The following IRAG1 variants were observed in gnomAD, a reference collection of about 807,000 sequenced individuals.
The protein encoded by IRAG1 is inositol 1,4,5-triphosphate receptor associated 1.
A neutral mutation model predicts 106.2 loss-of-function variants in IRAG1; 62 were observed. The observed-to-expected ratio is 0.58, with a 90% CI of 0.48 to 0.72. The LOEUF is 0.72. IRAG1 is among the 30% of genes least tolerant of loss of function. The probability of loss-of-function intolerance (pLI) is 0.00; values close to 1 mark genes in which losing one functional copy is unlikely to be tolerated. For synonymous variants in IRAG1, 462 were observed against 443.9 expected (o/e 1.04, Z -0.51); for missense variants, 1,064 against 1,140.7 (o/e 0.93, Z 0.97).
At position 10,603,094 on chromosome 11, in the gene IRAG1, C is replaced by T. The variant is rs771300554; in HGVS notation, c.1875+26G>A. ...CTTTACGTAGGTGGAACAGAGTTGG[C>T]AAGACCGGGGGCTGGAGAGACTCAC... On this transcript the variant is annotated intron_variant, in intron 14 of 20. Transcript: ENST00000423302. 2.5e-6 allele frequency: 4 copies of T among 1,600,196 alleles called. No individual in the cohort carries two copies. The South Asian group carries it at 3.4e-5, about 13-fold the overall frequency.
intron 1 of IRAG1, among the ~76,000 whole-genome samples, chr11:10,676,624 C>A (rs1486270724): frequency 6.6e-6 from 1 of 152,166 alleles, no homozygotes; most frequent in South Asian, 2.1e-4. Context: ...AGGCTGGGAA[C>A]TGCAGGTGCC....
At chr11:10,667,528 T>C (rs1233431436) in intron 1 of IRAG1, among the ~76,000 whole-genome samples, 1 of 152,134 alleles carries the variant, frequency 6.6e-6, no homozygotes, top group Non-Finnish European at 1.5e-5. Context: ...AATTCCCTAC[T>C]CATAAAAATC....
At chr11:10,609,679 CAG>C (rs777352872) in intron 11 of IRAG1, 47 bp downstream of exon 11, 7 of 1,575,492 alleles carry the variant, frequency 4.4e-6, no homozygotes, top group Admixed American at 3.6e-5. Flanking sequence ...GAATCCAACA[CAG>C]GGGCCACTCG....
At position 10,651,919 on chromosome 11, in the gene IRAG1, G is replaced by A. The variant is rs1858544191; in HGVS notation, c.225+106C>T. ...TCCAGGTACCCACTGCAACCTACAT[G>A]AGCTGTCAGCAAACCCTCTGGCCAG... On this transcript the variant is annotated intron_variant, in intron 2 of 20. Transcript: ENST00000423302. 5 of 1,330,044 alleles carry A rather than the reference G, an allele frequency of 3.8e-6. No homozygotes were observed. The South Asian group carries it at 4.5e-5, about 12-fold the overall frequency. The allele number at this position is 1,330,044 out of a possible 1,614,324, so 82.4% of individuals were successfully genotyped here.
chr11:10,677,893 G>A (rs558573075), intron 1 of IRAG1, among the ~76,000 whole-genome samples: 12 of 152,248 alleles, frequency 7.9e-5, no homozygotes, highest in Admixed American at 4.6e-4. Context: ...TGACATTTTC[G>A]GTCTAGCTTC....
intron 2 of IRAG1, among the ~76,000 whole-genome samples, chr11:10,634,875 C>G (rs1306942390): frequency 6.6e-6 from 1 of 151,794 alleles, no homozygotes; most frequent in Non-Finnish European, 1.5e-5. Flanking sequence ...CATACCTTGT[C>G]TATTGTGAAT....
chr11:10,658,471 A>C (rs1162809608), intron 1 of IRAG1: 2 of 153,016 alleles, frequency 1.3e-5, no homozygotes, highest in African/African-American at 4.8e-5. Flanking sequence ...CCATTCTCCA[A>C]ACAGGGCAGC....
Position 10,632,045 on chromosome 11 carries a change from T to G in IRAG1, c.346A>C (p.Lys116Gln), listed in dbSNP as rs1564918625. The change falls in exon 4 of 21, where the codon AAG becomes CAG. Residue 116 changes from lysine (K) to glutamine (Q), a missense_variant. Physicochemically the swap from Lys to Gln is moderately conservative, Grantham distance 53. Transcript: ENST00000423302. ...TTCAAGTGTCGGTGAGAAAGCCTCT[T>G]GTGGGGACTGTGAACTCTGAAAGAC... ...NLANRVHSPH[K>Q]RLSHRHLKVS... 1 of 1,613,680 alleles carries G rather than the reference T, an allele frequency of 6.2e-7. No individual in the cohort carries two copies. Among genetic ancestry groups the G allele is most frequent in the Non-Finnish European group, 8.5e-7 (1 of 1,179,744 alleles).
Position 10,693,710 on chromosome 11 carries a change from A to T in IRAG1, c.-108T>A. 1 of 1,331,720 alleles carries T rather than the reference A, an allele frequency of 7.5e-7. No individual in the cohort carries two copies. Among genetic ancestry groups the T allele is most frequent in the East Asian group, 2.5e-5 (1 of 39,766 alleles). 82.5% of individuals were successfully genotyped at this position (1,331,720 alleles called of 1,614,324 possible). A position where few individuals can be genotyped will look rare whatever the true frequency, so the allele number is the denominator to read the frequency against. On this transcript the variant is annotated 5_prime_UTR_variant, in exon 1 of 21. Coordinates refer to ENST00000423302, the MANE Select transcript of IRAG1 (RefSeq NM_130385.4). ...AGAGGGGCTGGGACTTAGAGCCGAG[A>T]GCTCCTCTGGGAGCCCCACTCCGGC...
intron 2 of IRAG1, among the ~76,000 whole-genome samples, chr11:10,643,834 A>G (rs1857732185): frequency 6.6e-6 from 1 of 152,240 alleles, no homozygotes; most frequent in Non-Finnish European, 1.5e-5. Flanking sequence ...GCCCGCAAGT[A>G]GCTCACACAT....
intron 4 of IRAG1, chr11:10,629,964 C>T (rs554632200): frequency 4.6e-6 from 2 of 439,314 alleles, no homozygotes; most frequent in Non-Finnish European, 4.0e-6. Context: ...CCAGAATTTT[C>T]CTAAACTCTG....
chr11:10,625,946 A>G lies in IRAG1; in HGVS notation c.1368+20T>C, dbSNP rs765617321. On this transcript the variant is annotated intron_variant, in intron 9 of 20. Transcript: ENST00000423302. ...GTACCTGGAGTACACACTCTGCCCA[A>G]CTGGCCCCCAGGAACCCACCTCTCG... 18 of 1,457,004 alleles carry G rather than the reference A, an allele frequency of 1.2e-5. No individual in the cohort carries two copies. The highest frequency in any genetic ancestry group is 4.9e-5 in the East Asian group (2 of 41,232). 90.3% of individuals were successfully genotyped at this position (1,457,004 alleles called of 1,614,324 possible). A position where few individuals can be genotyped will look rare whatever the true frequency, so the allele number is the denominator to read the frequency against.
intron 1 of IRAG1, among the ~76,000 whole-genome samples, chr11:10,660,838 C>A (rs886156255): frequency 4.6e-5 from 7 of 152,170 alleles, no homozygotes; most frequent in African/African-American, 1.7e-4. Flanking sequence ...ATTTCTGTCA[C>A]CCTCCACATT....
At chr11:10,658,839 GC>G (rs1166725766) in intron 1 of IRAG1, among the ~76,000 whole-genome samples, 4 of 150,430 alleles carry the variant, frequency 2.7e-5, no homozygotes, top group Admixed American at 2.0e-4. Context: ...CCATGTCTGT[GC>G]TGTGCTCACC....
intron 1 of IRAG1, among the ~76,000 whole-genome samples, chr11:10,656,735 C>G (rs575084372): frequency 6.6e-6 from 1 of 152,148 alleles, no homozygotes; most frequent in Non-Finnish European, 1.5e-5. Context: ...TGCTCAAGAT[C>G]ACACAGCTAG....
intron 15 of IRAG1, 110 bp from the exon 16 acceptor site, chr11:10,594,305 G>T: frequency 9.7e-7 from 1 of 1,030,890 alleles, no homozygotes; most frequent in Non-Finnish European, 1.5e-6. Flanking sequence ...GCCCTCAAGG[G>T]ATAGCCCAAG....
chr11:10,652,346 G>A lies in IRAG1; in HGVS notation c.68-164C>T, dbSNP rs79866915. ...GGGCATTTGGAATTTCATTTCCTCCGGCTCTCTGGCTTTGTTTACAAAGTC... is the reference window on the plus strand; with the variant it reads ...GGGCATTTGGAATTTCATTTCCTCCAGCTCTCTGGCTTTGTTTACAAAGTC... On this transcript the variant is annotated intron_variant, in intron 1 of 20. Coordinates refer to ENST00000423302, the MANE Select transcript of IRAG1 (RefSeq NM_130385.4). 2.0e-3 allele frequency: 2,837 copies of A among 1,439,016 alleles called. 48 individuals carry two copies. In the African/African-American group the frequency reaches 0.036, roughly 18 times the overall value. 89.1% of individuals were successfully genotyped at this position (1,439,016 alleles called of 1,614,324 possible). A position where few individuals can be genotyped will look rare whatever the true frequency, so the allele number is the denominator to read the frequency against.
Position 10,623,939 on chromosome 11 carries a change from G to A in IRAG1, c.1369-83C>T, listed in dbSNP as rs572439172. The A allele has an allele frequency of 9.6e-5, 126 of 1,317,560 alleles. No homozygotes were observed. In the East Asian group the frequency reaches 1.0e-3, roughly 11 times the overall value. The allele number at this position is 1,317,560 out of a possible 1,614,324, so 81.6% of individuals were successfully genotyped here. On this transcript the variant is annotated intron_variant, in intron 9 of 20. Coordinates refer to ENST00000423302, the MANE Select transcript of IRAG1 (RefSeq NM_130385.4). ...CTCTTGGCTCTGTCTATGGTTCTGC[G>A]ACCACTATCTTAGGTGGGAAAGCGG...
intron 1 of IRAG1, among the ~76,000 whole-genome samples, chr11:10,683,068 C>T (rs1049047188): frequency 2.0e-5 from 3 of 152,084 alleles, no homozygotes; most frequent in Non-Finnish European, 4.4e-5. Flanking sequence ...TAAAAACCTT[C>T]AATTTTTAAT....
Sources: gnomAD v4.1 joint callset for allele counts (sites outside exome capture counted in the v4.1 genomes callset) on GRCh38, gnomAD v4.1.1 for gene constraint, MANE v1.5 for transcripts, NCBI Gene and HGNC (gene_info 2026-07-23, HGNC 2026-07-21) for gene names.